FAM53B: variants seen among roughly 807,000 people sequenced by gnomAD.
FAM53B encodes family with sequence similarity 53 member B.
Under a neutral mutation model 32.7 loss-of-function variants are expected in FAM53B, and 12 were observed. The ratio of observed to expected loss-of-function variants is 0.37; its 90% CI spans 0.24 to 0.59. FAM53B has a LOEUF of 0.59. FAM53B is among the 20% of genes least tolerant of loss of function. The pLI is 0.72. For missense variants in FAM53B, 477 were observed against 577.7 expected (o/e 0.83, Z 1.79); for synonymous variants, 234 against 228.7 (o/e 1.02, Z -0.21).
chr10:124,689,576 C>A (rs1034853181), intron 3 of FAM53B, among the ~76,000 whole-genome samples: 1 of 152,228 alleles, frequency 6.6e-6, no homozygotes. Flanking sequence ...ATTCCGATGG[C>A]TAGAGGTAAT....
chr10:124,713,013 G>GCA (rs766399195), intron 1 of FAM53B, among the ~76,000 whole-genome samples: 28 of 152,262 alleles, frequency 1.8e-4, no homozygotes, highest in African/African-American at 6.7e-4. Context: ...GGGTGGGAGG[G>GCA]CACACACACA....
At chr10:124,714,618 G>A (rs1950027303) in intron 1 of FAM53B, among the ~76,000 whole-genome samples, 1 of 152,106 alleles carries the variant, frequency 6.6e-6, no homozygotes, top group Admixed American at 6.5e-5. Context: ...AATTAGCCGG[G>A]TGTGGTGGCG....
At chr10:124,740,919 G>A (rs772031183) in intron 1 of FAM53B, among the ~76,000 whole-genome samples, 11 of 152,202 alleles carry the variant, frequency 7.2e-5, no homozygotes, top group South Asian at 6.2e-4. Context: ...CATGTGCTTT[G>A]TGTTGGCAAC....
At chr10:124,673,528 G>A (rs998477793) in intron 4 of FAM53B, among the ~76,000 whole-genome samples, 17 of 152,206 alleles carry the variant, frequency 1.1e-4, no homozygotes, top group Non-Finnish European at 1.5e-5. Context: ...AAGTTTCATT[G>A]GCAGGCGGGG....
At chr10:124,737,885 C>T (rs1045209208) in intron 1 of FAM53B, among the ~76,000 whole-genome samples, 5 of 152,246 alleles carry the variant, frequency 3.3e-5, no homozygotes, top group East Asian at 1.9e-4. Flanking sequence ...CCAGAAAGAA[C>T]AAGACCACTA....
At chr10:124,670,411 G>A (rs1013570539) in intron 4 of FAM53B, among the ~76,000 whole-genome samples, 1 of 152,130 alleles carries the variant, frequency 6.6e-6, no homozygotes, top group African/African-American at 2.4e-5. Context: ...GAGCCCTGAT[G>A]GCATTCCAAC....
At chr10:124,722,502 G>C (rs193227697) in intron 1 of FAM53B, among the ~76,000 whole-genome samples, 32 of 152,274 alleles carry the variant, frequency 2.1e-4, no homozygotes, top group African/African-American at 7.7e-4. Context: ...AGTCCTGGAA[G>C]GATACAAAGG....
intron 1 of FAM53B, among the ~76,000 whole-genome samples, chr10:124,729,392 T>C (rs563729113): frequency 8.1e-4 from 123 of 152,316 alleles, no homozygotes; most frequent in Middle Eastern, 3.4e-3. Flanking sequence ...TTTTAAAGCA[T>C]GTGGGGAAAA....
intron 1 of FAM53B, among the ~76,000 whole-genome samples, chr10:124,716,974 G>A (rs1950041966): frequency 6.6e-6 from 1 of 152,078 alleles, no homozygotes; most frequent in Non-Finnish European, 1.5e-5. Context: ...TCTTCAGTCG[G>A]ACCTATTTAT....
chr10:124,711,089 CA>C (rs1414696430), intron 1 of FAM53B, among the ~76,000 whole-genome samples: 2 of 152,124 alleles, frequency 1.3e-5, no homozygotes, highest in African/African-American at 4.8e-5. Flanking sequence ...AACAATTAGA[CA>C]AAATGTGGCA....
chr10:124,734,137 C>T (rs1358131782), intron 1 of FAM53B, among the ~76,000 whole-genome samples: 1 of 152,240 alleles, frequency 6.6e-6, no homozygotes, highest in Non-Finnish European at 1.5e-5. Context: ...TGTAACTCAC[C>T]AGTACCTTGT....
chr10:124,660,785 TG>T (rs1564870627), intron 4 of FAM53B, among the ~76,000 whole-genome samples: 1 of 152,206 alleles, frequency 6.6e-6, no homozygotes, highest in African/African-American at 2.4e-5. Flanking sequence ...TAAATATTTA[TG>T]TTCTGTAAGC....
intron 2 of FAM53B, among the ~76,000 whole-genome samples, chr10:124,696,924 C>A (rs1470773984): frequency 1.3e-5 from 2 of 152,172 alleles, no homozygotes; most frequent in Admixed American, 1.3e-4. Flanking sequence ...CCCCCGCCTA[C>A]CCTCAACTGA....
chr10:124,719,079 A>C (rs950974557), intron 1 of FAM53B, among the ~76,000 whole-genome samples: 51 of 152,330 alleles, frequency 3.3e-4, no homozygotes, highest in Middle Eastern at 3.4e-3. Flanking sequence ...AGAAGGAAGA[A>C]GACGAAGAAA....
chr10:124,683,154 CAAAT>C (rs1392178736), intron 3 of FAM53B, among the ~76,000 whole-genome samples: 3 of 152,214 alleles, frequency 2.0e-5, no homozygotes, highest in African/African-American at 7.2e-5. Flanking sequence ...CTTGAATACA[CAAAT>C]AAATAACCAA....
intron 4 of FAM53B, among the ~76,000 whole-genome samples, chr10:124,656,293 C>T (rs11245324): frequency 6.6e-6 from 1 of 152,220 alleles, no homozygotes. Flanking sequence ...CCCCAGGCCC[C>T]ACGATAAGCA....
Position 124,682,052 on chromosome 10 carries a change from C to T in FAM53B, c.461G>A (p.Arg154His), listed in dbSNP as rs144766387. 3.7e-5 allele frequency: 59 copies of T among 1,613,692 alleles called. No homozygotes were observed. Among genetic ancestry groups the T allele is most frequent in the Admixed American group, 2.5e-4 (15 of 60,002 alleles). Residue 154 changes from arginine (R) to histidine (H), a missense_variant, in exon 4 of 5, where the codon CGC becomes CAC. Transcript: ENST00000337318. This position sits in a 1 kb window ranked among gnomAD's most constrained non-coding sequence, Gnocchi z 5.2. ...RRCYSGGSVQRYSNGFSTMQR... is the reference protein window; with the variant it reads ...RRCYSGGSVQHYSNGFSTMQR... ...CATGGTGCTGAAGCCGTTGGAATAG[C>T]GCTGGACGCTGCCCCCGCTGTAGCA...
intron 4 of FAM53B, among the ~76,000 whole-genome samples, chr10:124,656,434 T>A (rs931171070): frequency 6.6e-6 from 1 of 152,226 alleles, no homozygotes; most frequent in Non-Finnish European, 1.5e-5. Flanking sequence ...ACAGACCCCC[T>A]GAACTCACAT....
chr10:124,712,173 G>A (rs550205956), intron 1 of FAM53B, among the ~76,000 whole-genome samples: 9 of 152,120 alleles, frequency 5.9e-5, no homozygotes, highest in Admixed American at 2.0e-4. Flanking sequence ...TGGCCAACAC[G>A]GTGAAACCCC....
Sources: gnomAD v4.1 joint callset for allele counts (sites outside exome capture counted in the v4.1 genomes callset) on GRCh38, gnomAD v4.1.1 for gene constraint, Gnocchi (gnomAD v3.1) non-coding constraint, MANE v1.5 for transcripts, NCBI Gene and HGNC (gene_info 2026-07-23, HGNC 2026-07-21) for gene names.